NBEAL1: variants seen among roughly 807,000 people sequenced by gnomAD.
The protein encoded by NBEAL1 is neurobeachin like 1, also known as neurobeachin-like protein 1.
Under a neutral mutation model 351.3 loss-of-function variants are expected in NBEAL1, and 273 were observed. That is an observed-to-expected ratio of 0.78 (90% CI 0.70 to 0.86). The LOEUF (loss-of-function observed/expected upper bound fraction) is 0.86. Ranked by LOEUF, NBEAL1 falls within the 40% of genes least tolerant of loss-of-function variation. NBEAL1 has a pLI of 0.00. For missense variants in NBEAL1, 2,961 were observed against 3,201.3 expected, an observed-to-expected ratio of 0.92 and a Z score of 1.81; for synonymous variants, 1,050 against 1,086.4, an observed-to-expected ratio of 0.97 and a Z score of 0.66.
chr2:203,068,306 T>C (rs2061626877), intron 6 of NBEAL1, 87 bp from the exon 7 acceptor site: 2 of 609,866 alleles, frequency 3.3e-6, no homozygotes, highest in Non-Finnish European at 5.6e-6. Context: ...AAAAGTAATA[T>C]TAAATTTGTT....
At chr2:203,059,407 C>T (rs530909447) in intron 6 of NBEAL1, among the ~76,000 whole-genome samples, 2 of 152,358 alleles carry the variant, frequency 1.3e-5, no homozygotes, top group South Asian at 4.1e-4. Flanking sequence ...AGAGCCTCTA[C>T]TCATCAGAGC....
chr2:203,190,658 C>A, intron 46 of NBEAL1: 1 of 332,118 alleles, frequency 3.0e-6, no homozygotes, highest in Non-Finnish European at 4.1e-6. Context: ...CACTTGCTTT[C>A]CAGAGCCCAA....
chr2:203,116,659 A>G (rs2062704756), intron 18 of NBEAL1, among the ~76,000 whole-genome samples: 1 of 150,652 alleles, frequency 6.6e-6, no homozygotes, highest in Admixed American at 6.6e-5. Flanking sequence ...TTTTAGTGGC[A>G]TGCGCCTGTA....
intron 12 of NBEAL1, among the ~76,000 whole-genome samples, chr2:203,105,571 A>T (rs1027700591): frequency 1.3e-5 from 2 of 152,158 alleles, no homozygotes; most frequent in African/African-American, 4.8e-5. Flanking sequence ...GTTTTAAAAT[A>T]TTTAAATAGA....
At chr2:203,207,612 C>G (rs906695974) in intron 51 of NBEAL1, among the ~76,000 whole-genome samples, 4 of 152,150 alleles carry the variant, frequency 2.6e-5, no homozygotes, top group Admixed American at 2.0e-4. Context: ...TGTGACCTTA[C>G]CCCCAACCCT....
At chr2:203,182,495 C>A (rs1390513807) in intron 43 of NBEAL1, 1 of 152,204 alleles carries the variant, frequency 6.6e-6, no homozygotes. Context: ...CAGAGATGGA[C>A]ACTTGAATGA....
chr2:203,071,520 C>T (rs901081632), intron 7 of NBEAL1, among the ~76,000 whole-genome samples: 1 of 152,146 alleles, frequency 6.6e-6, no homozygotes, highest in Admixed American at 6.5e-5. Context: ...TCACTCTATA[C>T]CACTCTGTCC....
intron 23 of NBEAL1, 60 bp downstream of exon 23, chr2:203,126,986 G>T: frequency 8.5e-7 from 1 of 1,171,664 alleles, no homozygotes. Context: ...TACTTGATTG[G>T]AATGTGTAGA....
Position 203,132,030 on chromosome 2 carries a change from C to G in NBEAL1, c.3622C>G (p.Arg1208Gly). 2 of 1,554,468 alleles carry G rather than the reference C, an allele frequency of 1.3e-6. No homozygotes were observed. The highest frequency in any genetic ancestry group is 3.9e-5 in the Admixed American group (2 of 50,924). Reference protein sequence around the residue: ...NVYERSKQHIRLREVGYSGLG... With the variant: ...NVYERSKQHIGLREVGYSGLG... The stretch of plus-strand genomic sequence containing the variant: ...TTATGAGCGTAGTAAACAACATATT[C>G]GACTCAGAGAAGTTGGCTACTCGGG... Residue 1208 changes from arginine (R) to glycine (G), a missense_variant, in exon 26 of 56, where the codon CGA (arginine) becomes GGA (glycine). Arg to Gly is a moderately radical substitution (Grantham distance 125). Coordinates refer to ENST00000683969, the MANE Select transcript of NBEAL1 (RefSeq NM_001378026.1).
chr2:203,049,784 G>C (rs776540619), intron 3 of NBEAL1, 30 bp from the exon 4 acceptor site: 4 of 1,490,398 alleles, frequency 2.7e-6, no homozygotes, highest in Non-Finnish European at 3.6e-6. Context: ...ATTTCAACAG[G>C]CTTCTTATTT....
At chr2:203,122,475 A>G in intron 19 of NBEAL1, 132 bp downstream of exon 19, 2 of 594,950 alleles carry the variant, frequency 3.4e-6, no homozygotes, top group Non-Finnish European at 2.9e-6. Flanking sequence ...CAAACATACA[A>G]TTTGAAGGGT....
At chr2:203,017,996 G>C (rs1009934795) in intron 2 of NBEAL1, among the ~76,000 whole-genome samples, 1 of 151,866 alleles carries the variant, frequency 6.6e-6, no homozygotes, top group African/African-American at 2.4e-5. Context: ...TTTTTCACTT[G>C]TTTTCAAAGA....
chr2:203,193,260 G>A (rs1405754920), intron 46 of NBEAL1, among the ~76,000 whole-genome samples: 3 of 151,984 alleles, frequency 2.0e-5, no homozygotes, highest in Non-Finnish European at 4.4e-5. Context: ...GTGTGAGCCA[G>A]CACGCCCAGC....
In NBEAL1 at chr2:203,035,929, A is replaced by T. The variant is rs991813756; in HGVS notation, c.52-5836A>T. 5.4e-4 allele frequency among the ~76,000 whole-genome samples: 81 copies of T among 149,214 alleles called. 1 individual carries two copies. Among genetic ancestry groups the T allele is most frequent in the African/African-American group, 1.9e-3 (78 of 41,048 alleles). ...ATGTGCTAGGCATTCTAAGCCCTTG[A>T]TATGGGTTAAATTATTTAATTTTCA... On this transcript the variant is annotated intron_variant, in intron 2 of 55. Coordinates refer to ENST00000683969, the MANE Select transcript of NBEAL1 (RefSeq NM_001378026.1).
chr2:203,032,660 C>CTTTTTT (rs747309074), intron 2 of NBEAL1, among the ~76,000 whole-genome samples: 6 of 70,140 alleles, frequency 8.6e-5, no homozygotes, highest in Non-Finnish European at 1.2e-4. Context: ...GAAATTGTAG[C>CTTTTTT]TTTTTTTTTT....
intron 24 of NBEAL1, among the ~76,000 whole-genome samples, chr2:203,129,288 G>A (rs2063019195): frequency 6.6e-6 from 1 of 152,068 alleles, no homozygotes; most frequent in Non-Finnish European, 1.5e-5. Context: ...AAGCATTTTA[G>A]AGCCATTTTT....
At chr2:203,141,363 ATTATTTTTTTTTT>A (rs1477303002) in intron 31 of NBEAL1, among the ~76,000 whole-genome samples, 11 of 17,488 alleles carry the variant, frequency 6.3e-4, no homozygotes, top group East Asian at 1.3e-3. Context: ...TATTATTATT[ATTATTTTTTTTTT>A]TTTTTTTTTT....
intron 48 of NBEAL1, among the ~76,000 whole-genome samples, chr2:203,198,923 C>G (rs1051471006): frequency 6.6e-6 from 1 of 151,652 alleles, no homozygotes; most frequent in Admixed American, 6.6e-5. Context: ...TGTGGTGACT[C>G]ACGCCTGTCA....
intron 34 of NBEAL1, 37 bp from the exon 35 acceptor site, chr2:203,151,428 T>G: frequency 2.1e-6 from 3 of 1,449,420 alleles, no homozygotes; most frequent in Non-Finnish European, 2.8e-6. Context: ...TAACTTAAGC[T>G]AAATAATTTT....
Sources: allele counts gnomAD v4.1 joint callset (sites outside exome capture counted in the v4.1 genomes callset), GRCh38; gene constraint gnomAD v4.1.1; transcripts MANE v1.5; gene names NCBI Gene and HGNC (gene_info 2026-07-23, HGNC 2026-07-21).